Variants in UBXN11 observed in about 807,000 individuals in gnomAD.
UBXN11 encodes UBX domain-containing protein 11.
Under a neutral mutation model 62.8 loss-of-function variants are expected in UBXN11, and 47 were observed. The ratio of observed to expected loss-of-function variants is 0.75; its 90% CI spans 0.59 to 0.95. The LOEUF is 0.95. Among genes scored for constraint, UBXN11 ranks in the 40% least tolerant of loss-of-function variants. UBXN11 has a pLI of 0.00. For synonymous variants in UBXN11, 294 were observed against 267.0 expected (o/e 1.10, Z -0.99); for missense variants, 638 against 661.7 (o/e 0.96, Z 0.39).
chr1:26,291,445 C>T (rs10902735), intron 8 of UBXN11, among the ~76,000 whole-genome samples: 24,207 of 152,206 alleles, frequency 0.16, 2,027 homozygotes, highest in Middle Eastern at 0.21. Context: ...ATGGCCAGGG[C>T]CTCCAAGATG....
chr1:26,306,841 G>GGGGGGGGGGT (rs2073682898), upstream of UBXN11: 1 of 99,470 alleles, frequency 1.0e-5, no homozygotes, highest in Non-Finnish European at 2.1e-5. Context: ...GGGGGGGGGG[G>GGGGGGGGGGT]TGGTTCGTTC....
At chr1:26,317,805 C>T (rs149745039) in intron 1 of UBXN11, among the ~76,000 whole-genome samples, 3 of 152,236 alleles carry the variant, frequency 2.0e-5, no homozygotes, top group African/African-American at 7.2e-5. Context: ...CCAGCCAGGG[C>T]CTTAGAACCT....
At chr1:26,287,682 C>T (rs1480922564) in intron 8 of UBXN11, among the ~76,000 whole-genome samples, 1 of 152,010 alleles carries the variant, frequency 6.6e-6, no homozygotes, top group African/African-American at 2.4e-5. Context: ...ATGGTAGGCC[C>T]CAGCTGGCCT....
upstream of UBXN11, among the ~76,000 whole-genome samples, chr1:26,308,064 C>T (rs78170461): frequency 6.6e-6 from 1 of 151,980 alleles, no homozygotes; most frequent in East Asian, 1.9e-4. Context: ...GTCGGGAGTT[C>T]GAGACCAGCC....
rs116281183 is a variant in UBXN11 at position 26,295,694 on chromosome 1, C to T, written c.432+1225G>A. ...AATGTCACCCCCGCAGGTGGTCCCC[C>T]AACTTGCCTCTGTGGTGTCACCCAT... On this transcript the variant is annotated intron_variant, in intron 7 of 14. Coordinates refer to ENST00000374222, the MANE Select transcript of UBXN11 (RefSeq NM_001389556.1). 7.8e-3 allele frequency among the ~76,000 whole-genome samples: 1,189 copies of T among 152,268 alleles called. 11 individuals are homozygous for T. The highest frequency in any genetic ancestry group is 0.026 in the African/African-American group (1,073 of 41,546).
intron 8 of UBXN11, among the ~76,000 whole-genome samples, chr1:26,290,374 C>G (rs1239504206): frequency 2.0e-5 from 3 of 152,192 alleles, no homozygotes; most frequent in African/African-American, 7.2e-5. Context: ...GACCTGAACC[C>G]TGCCTCAGCC....
intron 1 of UBXN11, among the ~76,000 whole-genome samples, chr1:26,313,779 T>TTC (rs1553165549): frequency 3.4e-5 from 4 of 119,144 alleles, no homozygotes; most frequent in Admixed American, 8.8e-5. Context: ...TATAATTTTT[T>TTC]TTCTTTTTTT....
At chr1:26,296,660 G>A (rs2073401218) in intron 7 of UBXN11, among the ~76,000 whole-genome samples, 1 of 152,172 alleles carries the variant, frequency 6.6e-6, no homozygotes, top group Non-Finnish European at 1.5e-5. Context: ...CAGTTCAGTG[G>A]GAGCCATGAG....
Position 26,282,382 on chromosome 1 carries a change from T to TGGGGCCGGGACCGGGACCGGGACC in UBXN11, c.1479_1480insGGTCCCGGTCCCGGTCCCGGCCCC (p.Pro493_Ser494insGlyProGlyProGlyProGlyPro), listed in dbSNP as rs1557677646. ...CTGGGGCCGGGACCGGGACCGGGAC[T>TGGGGCCGGGACCGGGACCGGGACC]GGGGCCGGGACCGGGACCGGGACAG... On this transcript the variant is annotated inframe_insertion, in exon 15 of 15. Transcript: ENST00000374222. The TGGGGCCGGGACCGGGACCGGGACC allele has an allele frequency of 2.2e-4, 73 of 334,466 alleles. 5 individuals carry two copies. The South Asian group carries it at 3.1e-3, about 14-fold the overall frequency. 20.7% of individuals were successfully genotyped at this position (334,466 alleles called of 1,614,324 possible).
In UBXN11 at chr1:26,285,894, G is replaced by A. The variant is rs1238618670; in HGVS notation, c.703C>T (p.Leu235=). 6.2e-7 allele frequency: 1 copy of A among 1,613,532 alleles called. No individual in the cohort carries two copies. Among genetic ancestry groups the A allele is most frequent in the Admixed American group, 1.7e-5 (1 of 60,000 alleles). ...ARLRTLEPIP[L]KLYRNGIMMF... ...ATGATGCCATTCCGGTAGAGCTTCA[G>A]CGGGATGGGCTCGAGGGTACGCAGC... The change falls in exon 9 of 15, where the codon CTG becomes TTG. Residue 235 remains leucine, a synonymous_variant. Coordinates refer to ENST00000374222, the MANE Select transcript of UBXN11 (RefSeq NM_001389556.1).
At chr1:26,286,435 G>T (rs75517917) in intron 8 of UBXN11, among the ~76,000 whole-genome samples, 18,803 of 152,212 alleles carry the variant, frequency 0.12, 1,490 homozygotes, top group Middle Eastern at 0.2. Flanking sequence ...AGAGCTCCCA[G>T]CTCTGGATCG....
intron 7 of UBXN11, among the ~76,000 whole-genome samples, chr1:26,296,199 G>A (rs1198883414): frequency 6.6e-6 from 1 of 152,238 alleles, no homozygotes; most frequent in African/African-American, 2.4e-5. Context: ...TGTTTGAATG[G>A]GTCTGTGAGC....
exon 1 of UBXN11, chr1:26,318,134 C>A: frequency 7.1e-7 from 1 of 1,400,458 alleles, no homozygotes; most frequent in Non-Finnish European, 1.0e-6. Context: ...GGAGGGAGGG[C>A]ATACAGGATG....
intron 1 of UBXN11, among the ~76,000 whole-genome samples, chr1:26,311,639 C>T (rs2073745767): frequency 6.6e-6 from 1 of 152,050 alleles, no homozygotes; most frequent in Non-Finnish European, 1.5e-5. Context: ...GACAGAGTTT[C>T]ACCATGTTGG....
At chr1:26,283,947 C>A (rs181778987) in intron 12 of UBXN11, among the ~76,000 whole-genome samples, 195 bp downstream of exon 12, 1 of 152,322 alleles carries the variant, frequency 6.6e-6, no homozygotes, top group East Asian at 1.9e-4. Flanking sequence ...TACAGCTAAC[C>A]CACCTGCTTT....
At position 26,302,907 on chromosome 1, in the gene UBXN11, G is replaced by A. The variant is rs1192620105; in HGVS notation, c.-24C>T. 1 of 1,612,052 alleles carries A rather than the reference G, an allele frequency of 6.2e-7. No individual in the cohort carries two copies. The highest frequency in any genetic ancestry group is 1.7e-5 in the Admixed American group (1 of 59,940). ...ATAGTTCTACTTCTAGAATCCAGCTGTCAGGAACTCCCTAGAGGAATGCAG... is the reference window on the plus strand; with the variant it reads ...ATAGTTCTACTTCTAGAATCCAGCTATCAGGAACTCCCTAGAGGAATGCAG... On this transcript the variant is annotated 5_prime_UTR_variant, in exon 2 of 15. Transcript: ENST00000374222.
chr1:26,284,534 G>T, intron 10 of UBXN11, 52 bp from the exon 11 acceptor site: 1 of 1,535,382 alleles, frequency 6.5e-7, no homozygotes, highest in Non-Finnish European at 8.8e-7. Context: ...TTCAGCCCTT[G>T]GCCCCACTTT....
At chr1:26,309,228 C>CTTCTGGTT (rs1397594447), upstream of UBXN11, among the ~76,000 whole-genome samples, 3 of 147,108 alleles carry the variant, frequency 2.0e-5, no homozygotes, top group African/African-American at 2.5e-5. Flanking sequence ...CCACTGCGCC[C>CTTCTGGTT]TGTCCCGAGT....
At chr1:26,297,401 A>G in intron 6 of UBXN11, 26 bp downstream of exon 6, 1 of 1,515,452 alleles carries the variant, frequency 6.6e-7, no homozygotes, top group East Asian at 2.5e-5. Flanking sequence ...CTGGGGGCGC[A>G]GGTCAGCCCT....
Sources: gnomAD v4.1 joint callset for allele counts (sites outside exome capture counted in the v4.1 genomes callset) on GRCh38, gnomAD v4.1.1 for gene constraint, MANE v1.5 for transcripts, NCBI Gene and HGNC (gene_info 2026-07-23, HGNC 2026-07-21) for gene names.